Variants in INTS9 observed in about 807,000 individuals in gnomAD.
INTS9 encodes integrator complex subunit 9.
Under a neutral mutation model 79.7 loss-of-function variants are expected in INTS9, and 55 were observed. The observed-to-expected ratio is 0.69, with a 90% CI of 0.56 to 0.86. The LOEUF (loss-of-function observed/expected upper bound fraction) is 0.86, where lower values mean the gene tolerates loss of function less well. INTS9 is among the 40% of genes least tolerant of loss of function. The pLI is 0.00. For missense variants in INTS9, 721 were observed against 831.5 expected, an observed-to-expected ratio of 0.87 and a Z score of 1.64; for synonymous variants, 319 against 325.2, an observed-to-expected ratio of 0.98 and a Z score of 0.20.
intron 11 of INTS9, among the ~76,000 whole-genome samples, chr8:28,781,335 C>T (rs548142092): frequency 6.6e-6 from 1 of 152,256 alleles, no homozygotes; most frequent in South Asian, 2.1e-4. Context: ...TGATGAGATA[C>T]CACTATACAC....
chr8:28,817,686 G>C (rs1226056041), intron 6 of INTS9, among the ~76,000 whole-genome samples: 1 of 150,570 alleles, frequency 6.6e-6, no homozygotes, highest in Non-Finnish European at 1.5e-5. Flanking sequence ...TTCCAATTCT[G>C]TGAAGAAAGT....
At chr8:28,824,937 T>C (rs1806060690) in intron 6 of INTS9, among the ~76,000 whole-genome samples, 1 of 152,212 alleles carries the variant, frequency 6.6e-6, no homozygotes, top group South Asian at 2.1e-4. Context: ...AAATGTCTGG[T>C]GCAGAAGAGA....
intron 11 of INTS9, among the ~76,000 whole-genome samples, chr8:28,783,308 G>C (rs1462515892): frequency 6.6e-6 from 1 of 152,172 alleles, no homozygotes; most frequent in African/African-American, 2.4e-5. Flanking sequence ...GTTATGACTA[G>C]ATGGCATCTT....
intron 7 of INTS9, 34 bp from the exon 8 acceptor site, chr8:28,812,495 G>A: frequency 6.3e-7 from 1 of 1,596,636 alleles, no homozygotes; most frequent in Non-Finnish European, 8.5e-7. Context: ...TGTGCAATGA[G>A]CTTACAGTGA....
At chr8:28,861,741 T>C (rs917403091) in intron 1 of INTS9, among the ~76,000 whole-genome samples, 2 of 152,246 alleles carry the variant, frequency 1.3e-5, no homozygotes, top group African/African-American at 4.8e-5. Flanking sequence ...TAAAAGCTGA[T>C]GCTCAAAAGA....
chr8:28,847,795 A>T (rs984200797), intron 3 of INTS9, among the ~76,000 whole-genome samples: 2 of 152,212 alleles, frequency 1.3e-5, no homozygotes, highest in Non-Finnish European at 2.9e-5. Context: ...AAGGAAGGTG[A>T]CAGATAATGG....
At chr8:28,845,675 A>G (rs1431596377) in intron 4 of INTS9, among the ~76,000 whole-genome samples, 1 of 152,222 alleles carries the variant, frequency 6.6e-6, no homozygotes, top group Non-Finnish European at 1.5e-5. Flanking sequence ...ATGGGGAATC[A>G]CCCTACCAAT....
chr8:28,844,859 A>G (rs1807413547), intron 4 of INTS9, among the ~76,000 whole-genome samples: 1 of 152,218 alleles, frequency 6.6e-6, no homozygotes, highest in South Asian at 2.1e-4. Context: ...TGTATACTTT[A>G]TGGTGGTAAA....
At chr8:28,774,984 A>G (rs1367106430) in intron 14 of INTS9, among the ~76,000 whole-genome samples, 1 of 152,218 alleles carries the variant, frequency 6.6e-6, no homozygotes, top group Non-Finnish European at 1.5e-5. Flanking sequence ...TTAGACTTTG[A>G]TAGACCAAAA....
chr8:28,775,930 A>C lies in INTS9; in HGVS notation c.1396-4T>G. 6.5e-7 allele frequency: 1 copy of C among 1,546,676 alleles called. No individual in the cohort carries two copies. Among genetic ancestry groups the C allele is most frequent in the Non-Finnish European group, 8.7e-7 (1 of 1,146,220 alleles). ...CAGGACACACCACGTGCAGGGGCTGAGGAACCAATGGGACAGTTGAGAAAG... is the reference window on the plus strand; with the variant it reads ...CAGGACACACCACGTGCAGGGGCTGCGGAACCAATGGGACAGTTGAGAAAG... On this transcript the variant is annotated splice_region_variant and splice_polypyrimidine_tract_variant and intron_variant, in intron 13 of 16. Transcript: ENST00000521022.
At chr8:28,806,474 C>G (rs1342947872) in intron 8 of INTS9, among the ~76,000 whole-genome samples, 1 of 152,012 alleles carries the variant, frequency 6.6e-6, no homozygotes, top group Non-Finnish European at 1.5e-5. Context: ...ACTAACACAC[C>G]CTTTTCAGAA....
intron 7 of INTS9, among the ~76,000 whole-genome samples, chr8:28,812,883 T>C (rs1805233646): frequency 6.6e-6 from 1 of 152,016 alleles, no homozygotes; most frequent in Non-Finnish European, 1.5e-5. Flanking sequence ...ACTAGAAAGT[T>C]TTAAGGAAAA....
chr8:28,846,949 C>T (rs578097512), intron 3 of INTS9, 140 bp from the exon 4 acceptor site: 9 of 677,362 alleles, frequency 1.3e-5, no homozygotes, highest in African/African-American at 5.4e-5. Context: ...GTTATTAGGC[C>T]GACTGTCCTA....
chr8:28,775,916 A>C lies in INTS9; in HGVS notation c.1406T>G (p.Val469Gly). ...KLLKEVQPLHVVCPEQYTQPP... is the reference protein window; with the variant it reads ...KLLKEVQPLHGVCPEQYTQPP... ...CTGAGTGTACTGCTCAGGACACACC[A>C]CGTGCAGGGGCTGAGGAACCAATGG... The change falls in exon 14 of 17, where the codon GTG becomes GGG. Residue 469 changes from valine (V) to glycine (G), a missense_variant. Val to Gly is a moderately radical substitution (Grantham distance 109, BLOSUM62 -3). Around this residue, in one of 3 missense-constraint regions of INTS9, gnomAD observed 281 missense variants for 300.8 expected, o/e 0.93. Transcript: ENST00000521022. 6.4e-7 allele frequency: 1 copy of C among 1,564,626 alleles called. No homozygotes were observed. The highest frequency in any genetic ancestry group is 8.7e-7 in the Non-Finnish European group (1 of 1,155,090).
At chr8:28,859,655 A>AT (rs1563303093) in intron 1 of INTS9, 92 bp from the exon 2 acceptor site, 1 of 1,372,192 alleles carries the variant, frequency 7.3e-7, no homozygotes, top group East Asian at 2.4e-5. Flanking sequence ...ATCTTCTCTC[A>AT]TAAGACCAGC....
chr8:28,828,580 A>G (rs945294206), intron 6 of INTS9, among the ~76,000 whole-genome samples: 4 of 152,034 alleles, frequency 2.6e-5, no homozygotes, highest in Non-Finnish European at 5.9e-5. Context: ...AGTCTATTTG[A>G]CCTCCGAGCA....
chr8:28,814,610 A>G (rs950319618), intron 6 of INTS9, among the ~76,000 whole-genome samples: 1 of 152,202 alleles, frequency 6.6e-6, no homozygotes, highest in Non-Finnish European at 1.5e-5. Context: ...CATATAGCTC[A>G]GCAGATGTCC....
chr8:28,841,408 C>A (rs1807176549), intron 4 of INTS9, among the ~76,000 whole-genome samples: 1 of 152,222 alleles, frequency 6.6e-6, no homozygotes. Context: ...ATCATCACCA[C>A]CAGTCCTCAT....
intron 8 of INTS9, among the ~76,000 whole-genome samples, chr8:28,806,819 C>A (rs979860181): frequency 1.3e-5 from 2 of 152,032 alleles, no homozygotes; most frequent in African/African-American, 4.8e-5. Context: ...TTATGACATA[C>A]TTAGAGATGA....
Sources: gnomAD v4.1 joint callset for allele counts (sites outside exome capture counted in the v4.1 genomes callset) on GRCh38, gnomAD v4.1.1 for gene constraint, gnomAD v4.1.1 regional missense constraint, MANE v1.5 for transcripts, NCBI Gene and HGNC (gene_info 2026-07-23, HGNC 2026-07-21) for gene names.